The following CPN1 variants were observed in gnomAD, a reference collection of about 807,000 sequenced individuals.
CPN1 encodes carboxypeptidase N subunit 1.
A neutral mutation model predicts 46.4 loss-of-function variants in CPN1; 37 were observed. The observed-to-expected ratio is 0.80, with a 90% CI of 0.61 to 1.05. CPN1 has a LOEUF of 1.05. Ranked by LOEUF, CPN1 falls within the 50% of genes least tolerant of loss-of-function variation. CPN1 has a pLI of 0.00. For missense variants in CPN1, 563 were observed against 602.6 expected, an observed-to-expected ratio of 0.93 and a Z score of 0.69; for synonymous variants, 224 against 235.4, an observed-to-expected ratio of 0.95 and a Z score of 0.44.
intron 1 of CPN1, 132 bp downstream of exon 1, chr10:100,081,271 G>A (rs2041542970): frequency 2.5e-6 from 2 of 801,598 alleles, no homozygotes; most frequent in Admixed American, 4.0e-5. Flanking sequence ...GAGGGAAATA[G>A]CACAGGCTGA....
At chr10:100,063,107 T>A (rs140312909) in intron 5 of CPN1, among the ~76,000 whole-genome samples, 34 of 152,044 alleles carry the variant, frequency 2.2e-4, no homozygotes, top group African/African-American at 7.5e-4. Context: ...GTCCCTACTT[T>A]AGTTATTTTT....
In CPN1 at chr10:100,069,746, G is replaced by T. The variant is rs1429479652; in HGVS notation, c.544C>A (p.His182Asn). The change falls in exon 3 of 9, where the codon CAC becomes AAC. Residue 182 changes from histidine (H) to asparagine (N), a missense_variant. Physicochemically the swap from His to Asn is moderately conservative, Grantham distance 68 (BLOSUM62 1). Coordinates refer to ENST00000370418, the MANE Select transcript of CPN1 (RefSeq NM_001308.3). ...YNEKYGGPNH[H>N]LPLPDNWKSQ... ...TTCCAGTTGTCTGGAAGGGGCAGGT[G>T]GTGGTTGGGGCCTCCGTACTTCTCG... 4 of 1,613,808 alleles carry T rather than the reference G, an allele frequency of 2.5e-6. No individual in the cohort carries two copies. Among genetic ancestry groups the T allele is most frequent in the Non-Finnish European group, 2.5e-6 (3 of 1,180,022 alleles).
chr10:100,059,849 T>C (rs569361521), intron 5 of CPN1, among the ~76,000 whole-genome samples: 5 of 152,254 alleles, frequency 3.3e-5, no homozygotes, highest in East Asian at 1.9e-4. Context: ...CAAGTGTCCA[T>C]TGGTGGATAA....
chr10:100,044,998 A>C (rs1042519213), intron 8 of CPN1, among the ~76,000 whole-genome samples: 4 of 152,220 alleles, frequency 2.6e-5, no homozygotes, highest in African/African-American at 9.6e-5. Context: ...GGTGTGAACC[A>C]CCACACCTGG....
intron 2 of CPN1, among the ~76,000 whole-genome samples, 190 bp downstream of exon 2, chr10:100,075,721 G>T (rs1384694480): frequency 1.3e-5 from 2 of 152,218 alleles, no homozygotes; most frequent in Non-Finnish European, 2.9e-5. Flanking sequence ...ATTGCCTGAG[G>T]TGCTGTAGGA....
intron 8 of CPN1, among the ~76,000 whole-genome samples, chr10:100,043,710 C>T (rs753102044): frequency 6.0e-5 from 9 of 150,986 alleles, no homozygotes; most frequent in Middle Eastern, 3.4e-3. Context: ...GTTATGTTGT[C>T]CAGGCTGGAC....
At chr10:100,065,471 T>C in intron 3 of CPN1, 101 bp from the exon 4 acceptor site, 1 of 1,271,852 alleles carries the variant, frequency 7.9e-7, no homozygotes, top group South Asian at 1.3e-5. Flanking sequence ...GGAGATAAAA[T>C]GTCTGAATGA....
At chr10:100,052,360 C>T (rs555105380) in intron 7 of CPN1, among the ~76,000 whole-genome samples, 8 of 151,976 alleles carry the variant, frequency 5.3e-5, no homozygotes, top group South Asian at 2.1e-4. Flanking sequence ...TGTGAGCCAC[C>T]GCTCCTGGCC....
At chr10:100,073,222 G>C (rs991526371) in intron 2 of CPN1, among the ~76,000 whole-genome samples, 7 of 152,098 alleles carry the variant, frequency 4.6e-5, no homozygotes, top group African/African-American at 1.4e-4. Context: ...AACATTTATT[G>C]GATCTTTCAT....
Position 100,081,511 on chromosome 10 carries a change from G to C in CPN1, c.115C>G (p.Gln39Glu). The C allele has an allele frequency of 6.2e-7, 1 of 1,614,174 alleles. No individual in the cohort carries two copies. The highest frequency in any genetic ancestry group is 1.3e-5 in the African/African-American group (1 of 75,036). The change falls in exon 1 of 9, where the codon CAA (glutamine) becomes GAA (glutamate). Residue 39 changes from glutamine to glutamate, a missense_variant. Gln to Glu is a conservative substitution (Grantham distance 29). Coordinates refer to ENST00000370418, the MANE Select transcript of CPN1 (RefSeq NM_001308.3). Reference protein sequence around the residue: ...DDLVRTLYKVQNECPGITRVY... With the variant: ...DDLVRTLYKVENECPGITRVY... ...CGCGTGATGCCGGGGCATTCGTTTTGCACCTTGTACAGCGTCCGCACAAGA... is the reference window on the plus strand; with the variant it reads ...CGCGTGATGCCGGGGCATTCGTTTTCCACCTTGTACAGCGTCCGCACAAGA...
chr10:100,051,511 T>C, intron 7 of CPN1, among the ~76,000 whole-genome samples: 1 of 152,066 alleles, frequency 6.6e-6, no homozygotes, highest in South Asian at 2.1e-4. Flanking sequence ...ATGGGTTTTT[T>C]CCCTGATGAA....
chr10:100,075,631 C>G (rs981820085), intron 2 of CPN1, among the ~76,000 whole-genome samples: 26 of 152,162 alleles, frequency 1.7e-4, no homozygotes, highest in African/African-American at 6.3e-4. Flanking sequence ...CAGATATTGC[C>G]ACATTAATCC....
chr10:100,075,771 AT>A, intron 2 of CPN1, 139 bp downstream of exon 2: 1 of 959,926 alleles, frequency 1.0e-6, no homozygotes, highest in Non-Finnish European at 1.6e-6. Flanking sequence ...TTTCTGATGG[AT>A]TTTTTCTCTT....
chr10:100,072,539 C>A (rs925913080), intron 2 of CPN1, among the ~76,000 whole-genome samples: 1 of 152,154 alleles, frequency 6.6e-6, no homozygotes, highest in African/African-American at 2.4e-5. Flanking sequence ...ACTCCTCCCC[C>A]CTTCAAAAAA....
Position 100,057,045 on chromosome 10 carries a change from T to C in CPN1, c.979A>G (p.Asn327Asp), listed in dbSNP as rs1334372195. ...AGGAACTGGATTAGGGCTTCCCGATTACCCAGCCACTCCCGCTGTAACTCC... is the reference window on the plus strand; with the variant it reads ...AGGAACTGGATTAGGGCTTCCCGATCACCCAGCCACTCCCGCTGTAACTCC... ...EEELQREWLG[N>D]REALIQFLEQ... The change falls in exon 6 of 9, where the codon AAT becomes GAT. Residue 327 changes from asparagine (N) to aspartate (D), a missense_variant. Transcript: ENST00000370418. The C allele has an allele frequency of 1.2e-6, 2 of 1,614,186 alleles. No individual in the cohort carries two copies. Among genetic ancestry groups the C allele is most frequent in the South Asian group, 1.1e-5 (1 of 91,084 alleles).
chr10:100,053,449 C>T, intron 7 of CPN1, among the ~76,000 whole-genome samples: 1 of 152,036 alleles, frequency 6.6e-6, no homozygotes, highest in South Asian at 2.1e-4. Flanking sequence ...CATGGTGAAA[C>T]CCCATCTCTA....
chr10:100,045,203 G>T (rs2041301064), intron 8 of CPN1, among the ~76,000 whole-genome samples: 1 of 152,184 alleles, frequency 6.6e-6, no homozygotes, highest in African/African-American at 2.4e-5. Flanking sequence ...TTTATTTAAA[G>T]AATATGTGAA....
At chr10:100,058,960 G>A (rs1000400247) in intron 5 of CPN1, among the ~76,000 whole-genome samples, 1 of 152,156 alleles carries the variant, frequency 6.6e-6, no homozygotes, top group Non-Finnish European at 1.5e-5. Flanking sequence ...TCAACAAATG[G>A]TGCTGGAGAA....
In CPN1 at chr10:100,078,759, C is replaced by T. The variant is rs546029178; in HGVS notation, c.223+2644G>A. On this transcript the variant is annotated intron_variant, in intron 1 of 8. Coordinates refer to ENST00000370418, the MANE Select transcript of CPN1 (RefSeq NM_001308.3). Reference sequence around the variant, plus strand: ...GATCTTTACAAAATTTAAGACAGATCGTCTCCCCCTTCTGCTTAAAAAACC... The same window carrying T: ...GATCTTTACAAAATTTAAGACAGATTGTCTCCCCCTTCTGCTTAAAAAACC... Among the ~76,000 whole-genome samples the T allele has an allele frequency of 8.5e-5, 13 of 152,260 alleles. No homozygotes were observed. In the South Asian group the frequency reaches 1.5e-3, roughly 17 times the overall value.
Sources: gnomAD v4.1 joint callset for allele counts (sites outside exome capture counted in the v4.1 genomes callset) on GRCh38, gnomAD v4.1.1 for gene constraint, MANE v1.5 for transcripts, NCBI Gene and HGNC (gene_info 2026-07-23, HGNC 2026-07-21) for gene names.